SLX4IP: variants seen among roughly 807,000 people sequenced by gnomAD.
SLX4IP encodes SLX4 interacting protein.
SLX4IP carries 34 observed loss-of-function variants against 32.9 expected under a neutral mutation model. That is an observed-to-expected ratio of 1.03 (90% CI 0.79 to 1.38). The LOEUF (loss-of-function observed/expected upper bound fraction) is 1.38, where lower values mean the gene tolerates loss of function less well. SLX4IP is among the 40% of genes most tolerant of loss of function. SLX4IP has a pLI of 0.00. For synonymous variants in SLX4IP, 172 were observed against 171.7 expected (o/e 1.00, Z -0.01); for missense variants, 444 against 479.0 (o/e 0.93, Z 0.68).
At chr20:10,610,040 A>T (rs1795337241) in intron 6 of SLX4IP, among the ~76,000 whole-genome samples, 1 of 152,158 alleles carries the variant, frequency 6.6e-6, no homozygotes, top group Non-Finnish European at 1.5e-5. Flanking sequence ...GTTGGCCCAA[A>T]CCCATAAATT....
chr20:10,468,045 A>G (rs554639884), intron 2 of SLX4IP, among the ~76,000 whole-genome samples: 166 of 152,264 alleles, frequency 1.1e-3, no homozygotes, highest in Non-Finnish European at 2.0e-3. Flanking sequence ...ACCTGCCTCC[A>G]AGAAGTTTCT....
At chr20:10,596,710 C>A (rs2066774667) in intron 4 of SLX4IP, among the ~76,000 whole-genome samples, 1 of 151,914 alleles carries the variant, frequency 6.6e-6, no homozygotes. Flanking sequence ...TTGAAAAATA[C>A]TTTTAAATTT....
intron 2 of SLX4IP, among the ~76,000 whole-genome samples, chr20:10,473,816 G>T (rs536366742): frequency 1.3e-5 from 2 of 151,488 alleles, no homozygotes. Context: ...ATGTTGGCCC[G>T]GCTGGTTGGT....
chr20:10,516,711 A>T (rs564565672), intron 2 of SLX4IP, among the ~76,000 whole-genome samples: 108 of 152,316 alleles, frequency 7.1e-4, no homozygotes, highest in African/African-American at 2.5e-3. Context: ...TGCTGCTGTG[A>T]TTTTTTTCAG....
At chr20:10,508,363 G>A (rs893097333) in intron 2 of SLX4IP, among the ~76,000 whole-genome samples, 3 of 152,238 alleles carry the variant, frequency 2.0e-5, no homozygotes, top group Non-Finnish European at 4.4e-5. Flanking sequence ...GGGTCAGTTT[G>A]TCCTTGCCCC....
At chr20:10,569,736 G>A (rs1353564315) in intron 4 of SLX4IP, among the ~76,000 whole-genome samples, 1 of 152,102 alleles carries the variant, frequency 6.6e-6, no homozygotes, top group Non-Finnish European at 1.5e-5. Flanking sequence ...TGGCAAGTTA[G>A]TCTCTTCTGA....
At chr20:10,571,295 G>C (rs1916381932) in intron 4 of SLX4IP, among the ~76,000 whole-genome samples, 1 of 152,192 alleles carries the variant, frequency 6.6e-6, no homozygotes, top group African/African-American at 2.4e-5. Flanking sequence ...CTTCCAGCTA[G>C]ACCTGCAGTC....
chr20:10,438,300 A>G (rs2065131976), intron 1 of SLX4IP, among the ~76,000 whole-genome samples: 1 of 151,750 alleles, frequency 6.6e-6, no homozygotes, highest in East Asian at 1.9e-4. Context: ...TAAAGTGTAC[A>G]ATTTGGTATG....
At chr20:10,557,165 T>C (rs533321560) in intron 3 of SLX4IP, among the ~76,000 whole-genome samples, 1 of 152,320 alleles carries the variant, frequency 6.6e-6, no homozygotes, top group Admixed American at 6.5e-5. Flanking sequence ...TGTTAAAATA[T>C]AGTATATGGC....
At chr20:10,508,592 C>CG (rs1568714974) in intron 2 of SLX4IP, among the ~76,000 whole-genome samples, 1 of 152,130 alleles carries the variant, frequency 6.6e-6, no homozygotes, top group African/African-American at 2.4e-5. Flanking sequence ...TTCATGCTCC[C>CG]GGGGGCTGCT....
intron 2 of SLX4IP, among the ~76,000 whole-genome samples, chr20:10,501,512 A>G (rs2065718355): frequency 1.3e-5 from 2 of 152,234 alleles, no homozygotes; most frequent in Admixed American, 6.5e-5. Flanking sequence ...CAGCCCCCAC[A>G]GCAATCTCCT....
At chr20:10,451,285 C>T (rs1036716840) in intron 1 of SLX4IP, among the ~76,000 whole-genome samples, 3 of 151,366 alleles carry the variant, frequency 2.0e-5, no homozygotes, top group African/African-American at 4.9e-5. Context: ...CTCAGCCTTG[C>T]GAGTAGCTGG....
At chr20:10,475,729 A>G (rs610568) in intron 2 of SLX4IP, among the ~76,000 whole-genome samples, 103,188 of 152,106 alleles carry the variant, frequency 0.68, 35,196 homozygotes, top group South Asian at 0.81. Flanking sequence ...CTGGAGGTGA[A>G]TTTGGGCAGA....
chr20:10,520,611 C>T (rs2065894487), intron 2 of SLX4IP, among the ~76,000 whole-genome samples: 1 of 152,074 alleles, frequency 6.6e-6, no homozygotes, highest in Non-Finnish European at 1.5e-5. Flanking sequence ...AAAGTTCACA[C>T]TTATGTTTTC....
At chr20:10,441,741 T>A (rs1473571529) in intron 1 of SLX4IP, among the ~76,000 whole-genome samples, 1 of 152,134 alleles carries the variant, frequency 6.6e-6, no homozygotes, top group East Asian at 1.9e-4. Context: ...GTTTTTTTTT[T>A]TATAAGTAAA....
chr20:10,439,566 A>C (rs897360688), intron 1 of SLX4IP, among the ~76,000 whole-genome samples: 1 of 152,192 alleles, frequency 6.6e-6, no homozygotes, highest in Non-Finnish European at 1.5e-5. Flanking sequence ...TATACAGTGA[A>C]ACCAAGAGGT....
chr20:10,593,519 G>T (rs1422662670), intron 4 of SLX4IP, among the ~76,000 whole-genome samples: 2 of 152,236 alleles, frequency 1.3e-5, no homozygotes, highest in Admixed American at 1.3e-4. Context: ...AGGATCGCTT[G>T]AGCCCAGGAG....
intron 4 of SLX4IP, among the ~76,000 whole-genome samples, chr20:10,573,754 G>A (rs1241257042): frequency 6.6e-6 from 1 of 152,136 alleles, no homozygotes; most frequent in Non-Finnish European, 1.5e-5. Flanking sequence ...GATTTCCCTA[G>A]ATCTCTCATA....
At chr20:10,436,315 G>A (rs1266666790) in intron 1 of SLX4IP, among the ~76,000 whole-genome samples, 1 of 152,036 alleles carries the variant, frequency 6.6e-6, no homozygotes, top group African/African-American at 2.4e-5. Flanking sequence ...TAAAGTTCAA[G>A]GAACATTGAT....
Sources: gnomAD v4.1 joint callset for allele counts (sites outside exome capture counted in the v4.1 genomes callset) on GRCh38, gnomAD v4.1.1 for gene constraint, MANE v1.5 for transcripts, NCBI Gene and HGNC (gene_info 2026-07-23, HGNC 2026-07-21) for gene names.